The following SND1 variants were observed in gnomAD, a reference collection of about 807,000 sequenced individuals.
SND1 encodes staphylococcal nuclease domain-containing protein 1.
A neutral mutation model predicts 121.7 loss-of-function variants in SND1; 38 were observed. That is an observed-to-expected ratio of 0.31 (90% CI 0.24 to 0.41). The LOEUF (loss-of-function observed/expected upper bound fraction) is 0.41, where lower values mean the gene tolerates loss of function less well. SND1 is among the 10% of genes least tolerant of loss of function. SND1 has a pLI of 1.00. For missense variants in SND1, 868 were observed against 1,184.6 expected, an observed-to-expected ratio of 0.73 and a Z score of 3.92; for synonymous variants, 401 against 447.4, an observed-to-expected ratio of 0.90 and a Z score of 1.31.
At chr7:127,756,896 A>T (rs1797206785) in intron 10 of SND1, among the ~76,000 whole-genome samples, 1 of 152,224 alleles carries the variant, frequency 6.6e-6, no homozygotes, top group Non-Finnish European at 1.5e-5. Flanking sequence ...TAATCTGTGT[A>T]TCTGCCACTT....
intron 11 of SND1, among the ~76,000 whole-genome samples, chr7:127,829,126 C>T (rs1798694719): frequency 6.6e-6 from 1 of 152,172 alleles, no homozygotes; most frequent in South Asian, 2.1e-4. Context: ...ACCCGAATTA[C>T]AGTCTGGTTC....
chr7:127,786,745 G>A (rs968387369), intron 10 of SND1, among the ~76,000 whole-genome samples: 5 of 152,206 alleles, frequency 3.3e-5, no homozygotes, highest in Admixed American at 6.5e-5. Context: ...CCGGGTTCAC[G>A]CCATTCTCCT....
chr7:127,707,511 C>G (rs1472764787), intron 8 of SND1, 46 bp from the exon 9 acceptor site: 1 of 1,514,906 alleles, frequency 6.6e-7, no homozygotes, highest in Non-Finnish European at 9.2e-7. Flanking sequence ...GTGGTGGATT[C>G]CATTTGCTGA....
intron 13 of SND1, among the ~76,000 whole-genome samples, chr7:127,900,355 G>A (rs1250442780): frequency 6.6e-6 from 1 of 152,192 alleles, no homozygotes; most frequent in African/African-American, 2.4e-5. Flanking sequence ...AGGCCTGTTT[G>A]TTGGCACGGG....
intron 12 of SND1, among the ~76,000 whole-genome samples, chr7:127,863,082 G>A (rs1799408882): frequency 6.6e-6 from 1 of 152,168 alleles, no homozygotes; most frequent in African/African-American, 2.4e-5. Context: ...CGGAGTCCAC[G>A]AGGAGTGACA....
chr7:127,962,230 A>G (rs1039566209), intron 15 of SND1, among the ~76,000 whole-genome samples: 8 of 152,220 alleles, frequency 5.3e-5, no homozygotes, highest in African/African-American at 1.9e-4. Flanking sequence ...ATATAGTCAA[A>G]TAAATTAAGC....
At chr7:127,686,927 TTA>T (rs1795823690) in intron 2 of SND1, 165 bp downstream of exon 2, 1 of 714,458 alleles carries the variant, frequency 1.4e-6, no homozygotes, top group East Asian at 2.9e-5. Flanking sequence ...TATCTGTTGT[TTA>T]TATGTTTACT....
chr7:127,931,334 C>T (rs571745364), intron 15 of SND1, among the ~76,000 whole-genome samples: 1 of 152,186 alleles, frequency 6.6e-6, no homozygotes, highest in Non-Finnish European at 1.5e-5. Flanking sequence ...AAGCCAAAGT[C>T]TAATCCAGAG....
chr7:128,038,145 C>T (rs1792786021), intron 16 of SND1, among the ~76,000 whole-genome samples: 1 of 152,234 alleles, frequency 6.6e-6, no homozygotes, highest in Admixed American at 6.5e-5. Flanking sequence ...CAATTAGCCT[C>T]TTCACAGACA....
intron 11 of SND1, among the ~76,000 whole-genome samples, chr7:127,831,723 C>CT (rs1798744864): frequency 6.6e-6 from 1 of 152,134 alleles, no homozygotes; most frequent in Admixed American, 6.5e-5. Flanking sequence ...GAGGAGGCTA[C>CT]TTTTTTGTGT....
intron 10 of SND1, among the ~76,000 whole-genome samples, chr7:127,744,300 G>C (rs1796938804): frequency 6.6e-6 from 1 of 151,808 alleles, no homozygotes; most frequent in East Asian, 1.9e-4. Context: ...TTTTGGGTCG[G>C]CTTAGAGACC....
intron 16 of SND1, among the ~76,000 whole-genome samples, chr7:128,041,583 A>G (rs1792855881): frequency 6.6e-6 from 1 of 152,244 alleles, no homozygotes. Context: ...ATAGGTGAAC[A>G]TGATCTAAAC....
rs561250352 is a variant in SND1 at position 127,668,321 on chromosome 7, G to T, written c.78+15870G>T. ...CTCCAGCAAATTCTGCTTAAACTTT[G>T]ACCTTCCTCAAAGAGGACTCCCCAA... On this transcript the variant is annotated intron_variant, in intron 1 of 23. Coordinates refer to ENST00000354725, the MANE Select transcript of SND1 (RefSeq NM_014390.4). 6.6e-5 allele frequency among the ~76,000 whole-genome samples: 10 copies of T among 152,228 alleles called. No individual in the cohort carries two copies. The East Asian group carries it at 1.9e-3, about 29-fold the overall frequency.
At chr7:127,920,700 C>T (rs1377985001) in intron 14 of SND1, among the ~76,000 whole-genome samples, 1 of 152,048 alleles carries the variant, frequency 6.6e-6, no homozygotes. Context: ...TTGATAGCTG[C>T]CTCTCACCCA....
At chr7:128,075,271 C>T (rs530627573) in intron 17 of SND1, among the ~76,000 whole-genome samples, 10 of 152,182 alleles carry the variant, frequency 6.6e-5, no homozygotes, top group South Asian at 2.1e-4. Context: ...AGGTGGGAGC[C>T]GGGCTCACCC....
chr7:127,766,017 G>T (rs2116486900), intron 10 of SND1, among the ~76,000 whole-genome samples: 1 of 152,298 alleles, frequency 6.6e-6, no homozygotes. Context: ...TTAATTTCTA[G>T]TGTTAACAGT....
chr7:127,674,873 C>T (rs1673083473), intron 1 of SND1, among the ~76,000 whole-genome samples: 1 of 151,890 alleles, frequency 6.6e-6, no homozygotes, highest in African/African-American at 2.4e-5. Context: ...AAATGATCTC[C>T]AGTTTTTCTG....
chr7:127,737,680 G>C (rs1185267504), intron 10 of SND1, among the ~76,000 whole-genome samples: 2 of 152,190 alleles, frequency 1.3e-5, no homozygotes, highest in East Asian at 3.9e-4. Context: ...AAGTGATTCG[G>C]ATTTTGGATT....
rs762860570 is a variant in SND1, at chr7:127,887,883, C to T, written c.1344-19C>T. ...CATATGCACTTCTAGTGCTCACTGA[C>T]CTATCTTTTCTGTTGCAGAAACATT... On this transcript the variant is annotated intron_variant, in intron 12 of 23. Transcript: ENST00000354725. The T allele has an allele frequency of 6.4e-7, 1 of 1,568,780 alleles. No individual in the cohort carries two copies. The highest frequency in any genetic ancestry group is 1.4e-5 in the African/African-American group (1 of 73,882).
Sources: gnomAD v4.1 joint callset for allele counts (sites outside exome capture counted in the v4.1 genomes callset) on GRCh38, gnomAD v4.1.1 for gene constraint, MANE v1.5 for transcripts, NCBI Gene and HGNC (gene_info 2026-07-23, HGNC 2026-07-21) for gene names.